ATXN1: variants seen among roughly 807,000 people sequenced by gnomAD.
ATXN1 encodes the protein ataxin 1.
A neutral mutation model predicts 56.4 loss-of-function variants in ATXN1; 8 were observed. The observed-to-expected ratio is 0.14, with a 90% CI of 0.08 to 0.26. The LOEUF is 0.26. ATXN1 is among the 10% of genes least tolerant of loss of function. The pLI is 1.00. For missense variants in ATXN1, 987 were observed against 1,106.5 expected (o/e 0.89, Z 1.53); for synonymous variants, 514 against 494.6 (o/e 1.04, Z -0.52).
intron 2 of ATXN1, among the ~76,000 whole-genome samples, chr6:16,710,753 G>A (rs577916692): frequency 1.3e-5 from 2 of 148,954 alleles, no homozygotes; most frequent in Non-Finnish European, 3.0e-5. Context: ...TCACCCAGCT[G>A]ATTTTTGTAT....
At chr6:16,684,000 T>C (rs1758867113) in intron 2 of ATXN1, among the ~76,000 whole-genome samples, 1 of 152,140 alleles carries the variant, frequency 6.6e-6, no homozygotes, top group Non-Finnish European at 1.5e-5. Flanking sequence ...AAAATTGTTC[T>C]TTTTTTCATC....
intron 6 of ATXN1, among the ~76,000 whole-genome samples, chr6:16,381,809 T>C (rs1435856192): frequency 6.6e-6 from 1 of 152,170 alleles, no homozygotes; most frequent in Non-Finnish European, 1.5e-5. Flanking sequence ...CTCAGGTATC[T>C]ACGTTTGGTA....
intron 2 of ATXN1, among the ~76,000 whole-genome samples, chr6:16,706,446 C>T (rs1759407325): frequency 6.6e-6 from 1 of 152,056 alleles, no homozygotes; most frequent in African/African-American, 2.4e-5. Context: ...AAGAGAGGGC[C>T]GGGCACAGTG....
rs985276192 is a variant in ATXN1 at position 16,393,075 on chromosome 6, C to T, written c.-160-64605G>A. Among the ~76,000 whole-genome samples, 13 of 152,116 alleles carry T rather than the reference C, an allele frequency of 8.5e-5. 1 individual carries two copies. Among genetic ancestry groups the T allele is most frequent in the Admixed American group, 2.0e-4 (3 of 15,270 alleles). ...TTTCAAGACCTTCAGACATTTTATT[C>T]GAGTAAATTCATAAGCAAAACACAA... On this transcript the variant is annotated intron_variant, in intron 6 of 7. Transcript: ENST00000436367.
intron 3 of ATXN1, among the ~76,000 whole-genome samples, chr6:16,589,000 C>T (rs1158243790): frequency 1.3e-5 from 2 of 152,098 alleles, no homozygotes; most frequent in Middle Eastern, 3.2e-3. Flanking sequence ...ACCCTCAGCA[C>T]CTCCAAGTCC....
At chr6:16,470,491 TA>T (rs199591858) in intron 6 of ATXN1, among the ~76,000 whole-genome samples, 15 of 152,190 alleles carry the variant, frequency 9.9e-5, no homozygotes, top group Admixed American at 2.6e-4. Flanking sequence ...TTTACTATAA[TA>T]AAAAAAACTG....
At chr6:16,536,787 G>A (rs1761608203) in intron 4 of ATXN1, among the ~76,000 whole-genome samples, 1 of 152,172 alleles carries the variant, frequency 6.6e-6, no homozygotes, top group Non-Finnish European at 1.5e-5. Context: ...TTAGCAAAAA[G>A]CCATATAGGA....
At chr6:16,440,987 A>G (rs2113597747) in intron 6 of ATXN1, among the ~76,000 whole-genome samples, 1 of 152,290 alleles carries the variant, frequency 6.6e-6, no homozygotes, top group East Asian at 1.9e-4. Flanking sequence ...GTTTTGGCAC[A>G]ACGGGCTCCC....
chr6:16,644,262 G>A (rs866624713), intron 3 of ATXN1, among the ~76,000 whole-genome samples: 3 of 152,074 alleles, frequency 2.0e-5, no homozygotes, highest in Non-Finnish European at 2.9e-5. Flanking sequence ...GGTGGCTCAC[G>A]CCCCAGCACT....
intron 6 of ATXN1, among the ~76,000 whole-genome samples, chr6:16,344,567 C>T (rs1025764813): frequency 1.3e-5 from 2 of 152,178 alleles, no homozygotes; most frequent in African/African-American, 2.4e-5. Context: ...CTCGAACACC[C>T]GACTTGAAGT....
intron 6 of ATXN1, among the ~76,000 whole-genome samples, chr6:16,481,383 T>C (rs1760435489): frequency 6.6e-6 from 1 of 151,900 alleles, no homozygotes; most frequent in South Asian, 2.1e-4. Context: ...CTTATTAGAG[T>C]GTGCGTGTGT....
At chr6:16,347,024 G>A (rs1006690641) in intron 6 of ATXN1, among the ~76,000 whole-genome samples, 1 of 152,256 alleles carries the variant, frequency 6.6e-6, no homozygotes, top group East Asian at 1.9e-4. Flanking sequence ...CTTAGCAGTT[G>A]GGCCAGCAGC....
chr6:16,420,796 C>T (rs765365146), intron 6 of ATXN1, among the ~76,000 whole-genome samples: 2 of 152,058 alleles, frequency 1.3e-5, no homozygotes, highest in Non-Finnish European at 1.5e-5. Context: ...ATCTCATAAC[C>T]GGGGCCTATA....
At chr6:16,520,360 G>A (rs1581817469) in intron 5 of ATXN1, among the ~76,000 whole-genome samples, 1 of 152,106 alleles carries the variant, frequency 6.6e-6, no homozygotes, top group Non-Finnish European at 1.5e-5. Flanking sequence ...AAAAAATTAC[G>A]GCTTGTAATA....
rs1554138052 is a variant in ATXN1, at chr6:16,327,678, A to ATGCTGCTGCTGCTGC, written c.632_633insGCAGCAGCAGCAGCA (p.Gln210_His211insGlnGlnGlnGlnGln). On this transcript the variant is annotated inframe_insertion, in exon 7 of 8. Coordinates refer to ENST00000436367, the MANE Select transcript of ATXN1 (RefSeq NM_001128164.2). ...GCTGCTGCTGCTGCTGCTGCTGCTGATGCTGATGCTGCTGCTGCTGCTGCT... is the reference window on the plus strand; with the variant it reads ...GCTGCTGCTGCTGCTGCTGCTGCTGATGCTGCTGCTGCTGCTGCTGATGCTGCTGCTGCTGCTGCT... 6.9e-6 allele frequency: 7 copies of ATGCTGCTGCTGCTGC among 1,011,386 alleles called. No homozygotes were observed. The highest frequency in any genetic ancestry group is 2.5e-4 in the Middle Eastern group (1 of 3,940). 62.7% of individuals were successfully genotyped at this position (1,011,386 alleles called of 1,614,324 possible).
intron 6 of ATXN1, among the ~76,000 whole-genome samples, chr6:16,451,129 A>G (rs73724872): frequency 2.8e-4 from 43 of 152,336 alleles, no homozygotes; most frequent in African/African-American, 1.0e-3. Flanking sequence ...CCCATTTAAA[A>G]GCAAGCAGTT....
chr6:16,447,748 T>C (rs905359087), intron 6 of ATXN1, among the ~76,000 whole-genome samples: 8 of 152,348 alleles, frequency 5.3e-5, no homozygotes, highest in Non-Finnish European at 1.0e-4. Flanking sequence ...GTTACACTCT[T>C]AGAAGCTTTA....
chr6:16,429,736 A>G (rs1408630897), intron 6 of ATXN1, among the ~76,000 whole-genome samples: 1 of 152,172 alleles, frequency 6.6e-6, no homozygotes, highest in Non-Finnish European at 1.5e-5. Context: ...CTCTTATCAT[A>G]GAAGCATTCT....
chr6:16,541,843 T>C (rs1325805201), intron 4 of ATXN1, among the ~76,000 whole-genome samples: 1 of 152,154 alleles, frequency 6.6e-6, no homozygotes, highest in Admixed American at 6.5e-5. Flanking sequence ...TGGTCAAAGC[T>C]ACGCAGTGGC....
Sources: allele counts gnomAD v4.1 joint callset (sites outside exome capture counted in the v4.1 genomes callset), GRCh38; gene constraint gnomAD v4.1.1; transcripts MANE v1.5; gene names NCBI Gene and HGNC (gene_info 2026-07-23, HGNC 2026-07-21).